Variants in PEPD observed in about 807,000 individuals in gnomAD.
PEPD encodes peptidase D, also known as xaa-Pro dipeptidase.
Under a neutral mutation model 60.7 loss-of-function variants are expected in PEPD, and 53 were observed. That is an observed-to-expected ratio of 0.87 (90% CI 0.70 to 1.10). The LOEUF (loss-of-function observed/expected upper bound fraction) is 1.10, where lower values mean the gene tolerates loss of function less well. Ranked by LOEUF, PEPD falls within the 50% of genes least tolerant of loss-of-function variation. The probability of loss-of-function intolerance (pLI) is 0.00; values close to 1 mark genes in which losing one functional copy is unlikely to be tolerated. For synonymous variants in PEPD, 267 were observed against 284.1 expected (o/e 0.94, Z 0.60); for missense variants, 711 against 711.9 (o/e 1.00, Z 0.01).
intron 9 of PEPD, among the ~76,000 whole-genome samples, chr19:33,419,544 C>T (rs966864665): frequency 2.2e-4 from 33 of 152,202 alleles, no homozygotes; most frequent in African/African-American, 6.8e-4. Flanking sequence ...TCGGAGTCCA[C>T]GCAGGGTCTC....
intron 9 of PEPD, among the ~76,000 whole-genome samples, chr19:33,430,730 C>T (rs1420995510): frequency 6.6e-6 from 1 of 152,140 alleles, no homozygotes; most frequent in East Asian, 1.9e-4. Context: ...CTCCCCTCGC[C>T]CCAGCCTCGC....
chr19:33,513,268 C>T (rs1970962834), intron 1 of PEPD, among the ~76,000 whole-genome samples: 1 of 152,186 alleles, frequency 6.6e-6, no homozygotes, highest in Non-Finnish European at 1.5e-5. Context: ...CTCCCTCCCT[C>T]AGCTCAGCTG....
chr19:33,435,641 A>C (rs903455121), intron 9 of PEPD, among the ~76,000 whole-genome samples: 1 of 152,182 alleles, frequency 6.6e-6, no homozygotes, highest in Admixed American at 6.5e-5. Flanking sequence ...TGCGCTTGTA[A>C]AGTGGGAGTG....
chr19:33,510,929 C>T (rs1970913888), intron 3 of PEPD, 99 bp downstream of exon 3: 3 of 1,289,262 alleles, frequency 2.3e-6, no homozygotes, highest in Non-Finnish European at 2.2e-6. Flanking sequence ...TTCCCTCCTC[C>T]CCGTCCCCAG....
chr19:33,479,280 GAACA>G lies in PEPD; in HGVS notation c.504-1194_504-1191del, dbSNP rs575423858. On this transcript the variant is annotated intron_variant, in intron 6 of 14. Transcript: ENST00000244137. The stretch of plus-strand genomic sequence containing the variant: ...AAAAAAATGTAATGGAGAAAGTGAG[GAACA>G]AAAATGTTATAAGACATATAGAAAA... Among the ~76,000 whole-genome samples the G allele has an allele frequency of 5.4e-4, 82 of 151,998 alleles. No homozygotes were observed. In the East Asian group the frequency reaches 6.4e-3, roughly 12 times the overall value.
chr19:33,518,333 G>A (rs1417109919), intron 1 of PEPD, among the ~76,000 whole-genome samples: 2 of 152,124 alleles, frequency 1.3e-5, no homozygotes, highest in South Asian at 2.1e-4. Context: ...AGGCCCACCC[G>A]TCCCTAGCCC....
At chr19:33,451,514 T>A (rs900014527) in intron 9 of PEPD, among the ~76,000 whole-genome samples, 1 of 152,282 alleles carries the variant, frequency 6.6e-6, no homozygotes, top group East Asian at 1.9e-4. Flanking sequence ...TAGAAAAACT[T>A]TTTTAAAGCC....
intron 4 of PEPD, among the ~76,000 whole-genome samples, chr19:33,497,650 C>T (rs1306388403): frequency 2.0e-5 from 3 of 152,224 alleles, no homozygotes; most frequent in Non-Finnish European, 4.4e-5. Flanking sequence ...AAGGCCACCC[C>T]AAGTGAGATG....
intron 12 of PEPD, among the ~76,000 whole-genome samples, chr19:33,399,319 T>C (rs1419544319): frequency 6.6e-6 from 1 of 152,210 alleles, no homozygotes. Context: ...CAGAAAATGC[T>C]GTTTTCCTCG....
chr19:33,439,795 T>C (rs1422014348), intron 9 of PEPD, among the ~76,000 whole-genome samples: 2 of 152,198 alleles, frequency 1.3e-5, no homozygotes, highest in African/African-American at 2.4e-5. Flanking sequence ...GATCACAACC[T>C]ACAGGGTGCT....
intron 11 of PEPD, among the ~76,000 whole-genome samples, chr19:33,409,000 G>A (rs996497872): frequency 6.6e-6 from 1 of 152,228 alleles, no homozygotes; most frequent in Admixed American, 6.5e-5. Flanking sequence ...GTTAGCACTA[G>A]AAAAATCAAA....
At chr19:33,455,821 A>G (rs1969786286) in intron 9 of PEPD, among the ~76,000 whole-genome samples, 1 of 152,018 alleles carries the variant, frequency 6.6e-6, no homozygotes, top group South Asian at 2.1e-4. Context: ...ATGCCTGGCA[A>G]TATCAGGTTT....
At chr19:33,481,829 G>T (rs1275907537) in intron 6 of PEPD, among the ~76,000 whole-genome samples, 1 of 151,996 alleles carries the variant, frequency 6.6e-6, no homozygotes, top group Non-Finnish European at 1.5e-5. Context: ...AGGAGTTCAA[G>T]ACCAACATGG....
chr19:33,415,155 C>G (rs1192644323), intron 9 of PEPD, among the ~76,000 whole-genome samples: 13 of 152,180 alleles, frequency 8.5e-5, no homozygotes, highest in Admixed American at 8.5e-4. Context: ...CGCCGTGGAA[C>G]AGGGGTGCTC....
At chr19:33,484,672 C>A (rs945882195) in intron 6 of PEPD, among the ~76,000 whole-genome samples, 2 of 151,478 alleles carry the variant, frequency 1.3e-5, no homozygotes, top group African/African-American at 4.9e-5. Flanking sequence ...CTCAGACAGG[C>A]AAATACTTAA....
At chr19:33,488,930 G>A (rs1010263207) in intron 6 of PEPD, among the ~76,000 whole-genome samples, 8 of 152,062 alleles carry the variant, frequency 5.3e-5, no homozygotes, top group Admixed American at 3.3e-4. Context: ...AGTTGGGGCT[G>A]GGAGCTGCCC....
At chr19:33,521,305 T>A (rs879506399) in intron 1 of PEPD, among the ~76,000 whole-genome samples, 10 of 152,090 alleles carry the variant, frequency 6.6e-5, no homozygotes, top group Non-Finnish European at 1.2e-4. Context: ...CCTGAGGGGG[T>A]GACATTTGGC....
chr19:33,460,001 G>A (rs1014896302), intron 9 of PEPD, among the ~76,000 whole-genome samples: 4 of 152,176 alleles, frequency 2.6e-5, no homozygotes, highest in Admixed American at 6.5e-5. Flanking sequence ...AACCCAGTGA[G>A]TCAGCGATTC....
intron 7 of PEPD, among the ~76,000 whole-genome samples, chr19:33,472,838 G>A (rs1161539940): frequency 6.6e-6 from 1 of 152,136 alleles, no homozygotes; most frequent in African/African-American, 2.4e-5. Flanking sequence ...CCAGGTGGGC[G>A]GGAATTCAAC....
Sources: allele counts gnomAD v4.1 joint callset (sites outside exome capture counted in the v4.1 genomes callset), GRCh38; gene constraint gnomAD v4.1.1; transcripts MANE v1.5; gene names NCBI Gene and HGNC (gene_info 2026-07-23, HGNC 2026-07-21).